The following SAMD4A variants were observed in gnomAD, a reference collection of about 807,000 sequenced individuals.
SAMD4A encodes the protein sterile alpha motif domain containing 4A, also known as protein Smaug homolog 1.
A neutral mutation model predicts 81.3 loss-of-function variants in SAMD4A; 33 were observed. The observed-to-expected ratio is 0.41, with a 90% CI of 0.31 to 0.54. SAMD4A has a LOEUF of 0.54. SAMD4A is among the 20% of genes least tolerant of loss of function. The pLI, the probability that SAMD4A is intolerant of heterozygous loss-of-function variation, is 0.37. For synonymous variants in SAMD4A, 389 were observed against 382.1 expected, an observed-to-expected ratio of 1.02 and a Z score of -0.21; for missense variants, 854 against 951.1, an observed-to-expected ratio of 0.90 and a Z score of 1.34.
intron 2 of SAMD4A, among the ~76,000 whole-genome samples, chr14:54,688,775 C>G (rs963496847): frequency 1.3e-5 from 2 of 152,142 alleles, no homozygotes; most frequent in African/African-American, 4.8e-5. Flanking sequence ...CACCTGGTTT[C>G]ACATCAGCCT....
At chr14:54,721,175 G>T (rs750077533) in intron 3 of SAMD4A, among the ~76,000 whole-genome samples, 1 of 152,180 alleles carries the variant, frequency 6.6e-6, no homozygotes. Flanking sequence ...TAAATTCTAA[G>T]AGGTCAGGAA....
chr14:54,718,989 C>T (rs969022448), intron 3 of SAMD4A, among the ~76,000 whole-genome samples: 3 of 146,180 alleles, frequency 2.1e-5, no homozygotes, highest in Non-Finnish European at 3.0e-5. Flanking sequence ...GGTGACAGAG[C>T]GAAACTCCAT....
rs555148518 is a variant in SAMD4A at position 54,664,093 on chromosome 14, A to C, written c.197-37969A>C. On this transcript the variant is annotated intron_variant, in intron 2 of 12. Coordinates refer to ENST00000554335, the MANE Select transcript of SAMD4A (RefSeq NM_015589.6). Reference sequence around the variant, plus strand: ...AATAAATTGAGGCCAAATTAAATACAAACAAGATAACTCTAAAAGATTGAG... The same window carrying C: ...AATAAATTGAGGCCAAATTAAATACCAACAAGATAACTCTAAAAGATTGAG... Among the ~76,000 whole-genome samples the C allele has an allele frequency of 2.0e-5, 3 of 152,386 alleles. No homozygotes were observed. The South Asian group carries it at 6.2e-4, about 32-fold the overall frequency.
intron 3 of SAMD4A, among the ~76,000 whole-genome samples, chr14:54,731,086 G>C (rs1031299456): frequency 6.6e-6 from 1 of 152,202 alleles, no homozygotes; most frequent in Admixed American, 6.5e-5. Flanking sequence ...GAAAAAATTT[G>C]TGGGATAGAA....
At chr14:54,566,911 AT>A (rs1299418571), upstream of SAMD4A, among the ~76,000 whole-genome samples, 1 of 151,876 alleles carries the variant, frequency 6.6e-6, no homozygotes, top group Non-Finnish European at 1.5e-5. Context: ...GAGAGAGTTT[AT>A]TTTTGTCTCG....
Position 54,580,122 on chromosome 14 carries a change from G to A in SAMD4A, c.196+12010G>A, listed in dbSNP as rs2033422046. ...CCTGAGAAGACTGAGGTGTACTGGG[G>A]TCCACTAAGGGCACCTGTTAGTAGG... On this transcript the variant is annotated intron_variant, in intron 2 of 12. Transcript: ENST00000554335. 2.0e-5 allele frequency among the ~76,000 whole-genome samples: 3 copies of A among 152,308 alleles called. No individual in the cohort carries two copies. The South Asian group carries it at 6.2e-4, about 32-fold the overall frequency.
At chr14:54,623,483 C>CAAAAAAAAAAAAAA (rs59768858) in intron 2 of SAMD4A, among the ~76,000 whole-genome samples, 15 of 45,964 alleles carry the variant, frequency 3.3e-4, no homozygotes, top group Non-Finnish European at 3.9e-4. Flanking sequence ...TGGACATCAG[C>CAAAAAAAAAAAAAA]AAAAAAAAAA....
chr14:54,637,141 G>A (rs2035052388), intron 2 of SAMD4A, among the ~76,000 whole-genome samples: 1 of 151,914 alleles, frequency 6.6e-6, no homozygotes, highest in Non-Finnish European at 1.5e-5. Context: ...GAGGTGGGTG[G>A]ATCACCTGAG....
At chr14:54,705,840 A>G (rs2036837826) in intron 3 of SAMD4A, among the ~76,000 whole-genome samples, 1 of 152,270 alleles carries the variant, frequency 6.6e-6, no homozygotes, top group Non-Finnish European at 1.5e-5. Flanking sequence ...TATATGAATC[A>G]GTATCACAAT....
intron 5 of SAMD4A, 32 bp from the exon 6 acceptor site, chr14:54,751,419 A>G (rs773338594): frequency 1.4e-5 from 18 of 1,306,506 alleles, no homozygotes; most frequent in Non-Finnish European, 1.9e-5. Context: ...TTTTAAATAT[A>G]CATTTAAATG....
chr14:54,713,928 G>C (rs1359819875), intron 3 of SAMD4A, among the ~76,000 whole-genome samples: 5 of 152,140 alleles, frequency 3.3e-5, no homozygotes, highest in African/African-American at 1.2e-4. Flanking sequence ...TGACCTCTAA[G>C]CCTCCTTTCC....
chr14:54,767,786 G>A (rs1033962479), intron 8 of SAMD4A, among the ~76,000 whole-genome samples: 1 of 152,158 alleles, frequency 6.6e-6, no homozygotes, highest in Non-Finnish European at 1.5e-5. Context: ...CCCCATAACT[G>A]AGCACTCCCC....
intron 3 of SAMD4A, among the ~76,000 whole-genome samples, chr14:54,712,823 G>C (rs146597395): frequency 3.5e-4 from 54 of 152,266 alleles, no homozygotes; most frequent in African/African-American, 8.7e-4. Context: ...CAGTGACAGT[G>C]AGGGTTATTA....
At chr14:54,706,280 CA>C (rs112193724) in intron 3 of SAMD4A, among the ~76,000 whole-genome samples, 13 of 110,432 alleles carry the variant, frequency 1.2e-4, no homozygotes, top group Non-Finnish European at 1.8e-4. Context: ...GACTTAGTCT[CA>C]AAAAAAAAAA....
intron 3 of SAMD4A, among the ~76,000 whole-genome samples, chr14:54,712,627 G>T (rs1214495542): frequency 1.3e-5 from 2 of 152,114 alleles, no homozygotes; most frequent in East Asian, 3.9e-4. Context: ...CATGCCTAGT[G>T]TCTGTTTTCC....
intron 9 of SAMD4A, among the ~76,000 whole-genome samples, chr14:54,773,797 G>T (rs2038766949): frequency 1.3e-5 from 2 of 152,240 alleles, no homozygotes. Context: ...TCTCCCATTT[G>T]AGGATGCGTC....
upstream of SAMD4A, among the ~76,000 whole-genome samples, chr14:54,566,562 C>T (rs990696541): frequency 2.6e-5 from 4 of 151,714 alleles, no homozygotes; most frequent in African/African-American, 9.7e-5. Flanking sequence ...CGTGTGCCTG[C>T]GGCGCCGATC....
chr14:54,629,017 G>A (rs2034831515), intron 2 of SAMD4A, among the ~76,000 whole-genome samples: 2 of 152,118 alleles, frequency 1.3e-5, no homozygotes, highest in South Asian at 4.1e-4. Flanking sequence ...ACCTTCTTTG[G>A]AAATAGGGTC....
chr14:54,786,217 C>T (rs1323895855), intron 12 of SAMD4A, among the ~76,000 whole-genome samples: 2 of 152,194 alleles, frequency 1.3e-5, no homozygotes, highest in African/African-American at 4.8e-5. Context: ...TAACATTATG[C>T]TGAGTGAAAC....
Sources: gnomAD v4.1 joint callset for allele counts (sites outside exome capture counted in the v4.1 genomes callset) on GRCh38, gnomAD v4.1.1 for gene constraint, MANE v1.5 for transcripts, NCBI Gene and HGNC (gene_info 2026-07-23, HGNC 2026-07-21) for gene names.